The following DENND1B variants were observed in gnomAD, a reference collection of about 807,000 sequenced individuals.
The protein encoded by DENND1B is DENN domain containing 1B, also known as DENN domain-containing protein 1B.
Under a neutral mutation model 90.1 loss-of-function variants are expected in DENND1B, and 59 were observed. The observed-to-expected ratio is 0.65, with a 90% CI of 0.53 to 0.81. DENND1B has a LOEUF of 0.81. DENND1B is among the 40% of genes least tolerant of loss of function. The pLI, the probability that DENND1B is intolerant of heterozygous loss-of-function variation, is 0.00. For synonymous variants in DENND1B, 337 were observed against 324.6 expected (o/e 1.04, Z -0.41); for missense variants, 862 against 912.6 (o/e 0.94, Z 0.71).
chr1:197,505,104 T>C lies in DENND1B; in HGVS notation c.*5356A>G, dbSNP rs1667669111. 3 of 151,792 alleles carry C rather than the reference T, an allele frequency of 2.0e-5. No individual in the cohort carries two copies. The highest frequency in any genetic ancestry group is 2.0e-4 in the Admixed American group (3 of 15,186). The allele number at this position is 151,792 out of a possible 1,614,324, so 9.4% of individuals were successfully genotyped here. ...TCCTGTGGCTTTTACATAAAAAAGC[T>C]TTATGCATTTATGTTGTAGGACTCA... On this transcript the variant is annotated 3_prime_UTR_variant, in exon 23 of 23. Coordinates refer to ENST00000620048, the MANE Select transcript of DENND1B (RefSeq NM_001195215.2).
intron 20 of DENND1B, among the ~76,000 whole-genome samples, chr1:197,529,242 A>ATATATATATGTG (rs1553277550): frequency 9.2e-5 from 1 of 10,864 alleles, no homozygotes; most frequent in African/African-American, 1.7e-4. Context: ...ATATATATAT[A>ATATATATATGTG]TGTGTGTGTG....
At position 197,507,407 on chromosome 1, in the gene DENND1B, G is replaced by A. The variant is rs184480170; in HGVS notation, c.*3053C>T. 1.2e-3 allele frequency: 181 copies of A among 151,344 alleles called. No individual in the cohort carries two copies. Among genetic ancestry groups the A allele is most frequent in the Admixed American group, 2.1e-3 (32 of 15,150 alleles). The allele number at this position is 151,344 out of a possible 1,614,324, so 9.4% of individuals were successfully genotyped here. A position where few individuals can be genotyped will look rare whatever the true frequency, so the allele number is the denominator to read the frequency against. On this transcript the variant is annotated 3_prime_UTR_variant, in exon 23 of 23. Transcript: ENST00000620048. ...TGGTGCTTTTCTAAGACACATTAAA[G>A]TAGGTAATCATCAAAAGATACCACT...
At chr1:197,552,688 G>A (rs1671338994) in intron 16 of DENND1B, 1 of 1,062,584 alleles carries the variant, frequency 9.4e-7, no homozygotes, top group Admixed American at 5.6e-5. Context: ...ACCATCACTA[G>A]TAGTTTTCTA....
chr1:197,621,844 A>G (rs1016568852), intron 10 of DENND1B, among the ~76,000 whole-genome samples: 10 of 151,492 alleles, frequency 6.6e-5, no homozygotes. Flanking sequence ...TTTACCAAAT[A>G]AAGGTTTATG....
intron 2 of DENND1B, among the ~76,000 whole-genome samples, chr1:197,715,909 A>T (rs1660600370): frequency 6.6e-6 from 1 of 151,676 alleles, no homozygotes; most frequent in African/African-American, 2.4e-5. Flanking sequence ...TTTTAAAGGG[A>T]TAGTGTATAA....
intron 2 of DENND1B, among the ~76,000 whole-genome samples, chr1:197,751,500 A>G (rs1281740079): frequency 3.3e-5 from 5 of 152,190 alleles, no homozygotes; most frequent in African/African-American, 1.2e-4. Context: ...TTAACACTCT[A>G]AACTTCCACA....
chr1:197,644,479 C>T (rs868357197), intron 9 of DENND1B, among the ~76,000 whole-genome samples: 2 of 152,018 alleles, frequency 1.3e-5, no homozygotes, highest in African/African-American at 4.8e-5. Context: ...AGAGAGTAGA[C>T]GGAAGCAAAT....
intron 20 of DENND1B, among the ~76,000 whole-genome samples, chr1:197,537,010 C>A (rs1669960116): frequency 6.7e-6 from 1 of 148,694 alleles, no homozygotes; most frequent in Non-Finnish European, 1.5e-5. Flanking sequence ...CACTGCACTC[C>A]AGCCTGGGGG....
intron 2 of DENND1B, among the ~76,000 whole-genome samples, chr1:197,725,367 T>C (rs1390537320): frequency 6.6e-6 from 1 of 152,076 alleles, no homozygotes; most frequent in African/African-American, 2.4e-5. Flanking sequence ...AAATACATTT[T>C]CAGAAAGACA....
chr1:197,600,996 G>A (rs928699039), intron 13 of DENND1B, among the ~76,000 whole-genome samples: 10 of 149,618 alleles, frequency 6.7e-5, no homozygotes, highest in South Asian at 4.2e-4. Flanking sequence ...TTTTTTTCCC[G>A]TGCCACTGAG....
rs377109665 is a variant in DENND1B, at chr1:197,642,679, C to T, written c.672+32G>A. On this transcript the variant is annotated intron_variant, in intron 10 of 22. Coordinates refer to ENST00000620048, the MANE Select transcript of DENND1B (RefSeq NM_001195215.2). Reference sequence around the variant, plus strand: ...AGGTCTTTTTGTGAAACACTCAATACCTGCTACTTAAAAGAAGTGTGAAGT... The same window carrying T: ...AGGTCTTTTTGTGAAACACTCAATATCTGCTACTTAAAAGAAGTGTGAAGT... 61 of 1,512,264 alleles carry T rather than the reference C, an allele frequency of 4.0e-5. No individual in the cohort carries two copies. In the African/African-American group the frequency reaches 6.2e-4, roughly 15 times the overall value. 93.7% of individuals were successfully genotyped at this position (1,512,264 alleles called of 1,614,324 possible). A position where few individuals can be genotyped will look rare whatever the true frequency, so the allele number is the denominator to read the frequency against.
intron 9 of DENND1B, 48 bp downstream of exon 9, chr1:197,645,638 TAAAC>T (rs1471551657): frequency 6.7e-6 from 8 of 1,189,832 alleles, no homozygotes; most frequent in East Asian, 2.8e-5. Context: ...GAGACCAAAA[TAAAC>T]AAAATTAATA....
intron 13 of DENND1B, among the ~76,000 whole-genome samples, chr1:197,598,864 T>C (rs534997962): frequency 6.6e-6 from 1 of 151,954 alleles, no homozygotes; most frequent in East Asian, 1.9e-4. Context: ...TTTAGTCTAA[T>C]TTAGTATTAG....
intron 15 of DENND1B, among the ~76,000 whole-genome samples, chr1:197,564,442 A>C (rs1046116630): frequency 1.3e-5 from 2 of 149,964 alleles, no homozygotes; most frequent in Admixed American, 6.7e-5. Flanking sequence ...AAAAGCTCAG[A>C]TTATCATTAC....
intron 10 of DENND1B, among the ~76,000 whole-genome samples, chr1:197,636,525 A>G (rs1460012547): frequency 6.6e-6 from 1 of 151,986 alleles, no homozygotes; most frequent in African/African-American, 2.4e-5. Context: ...TGATCAACTT[A>G]CTCCCTCTCA....
At chr1:197,779,659 T>A (rs2102536553), upstream of DENND1B, among the ~76,000 whole-genome samples, 1 of 152,086 alleles carries the variant, frequency 6.6e-6, no homozygotes, top group African/African-American at 2.4e-5. Flanking sequence ...TCTGTCAAAG[T>A]CACCCATTTA....
the DENND1B span, among the ~76,000 whole-genome samples, chr1:197,781,078 G>A: frequency 2.0e-5 from 3 of 152,282 alleles, no homozygotes; most frequent in Non-Finnish European, 4.4e-5. Flanking sequence ...AAAGTTGACA[G>A]CTCCTTTCCC....
chr1:197,568,029 C>T (rs1194847150), intron 15 of DENND1B, among the ~76,000 whole-genome samples: 5 of 130,852 alleles, frequency 3.8e-5, no homozygotes, highest in African/African-American at 5.7e-5. Context: ...AAGGAAGGGA[C>T]GGAGGGAAGG....
chr1:197,734,058 T>C (rs1662401627), intron 2 of DENND1B: 2 of 950,834 alleles, frequency 2.1e-6, no homozygotes, highest in South Asian at 4.9e-5. Context: ...ATATTTATCA[T>C]TAGAAATTCT....
Sources: gnomAD v4.1 joint callset for allele counts (sites outside exome capture counted in the v4.1 genomes callset) on GRCh38, gnomAD v4.1.1 for gene constraint, MANE v1.5 for transcripts, NCBI Gene and HGNC (gene_info 2026-07-23, HGNC 2026-07-21) for gene names.